SKAP2: variants seen among roughly 807,000 people sequenced by gnomAD.
SKAP2 encodes src kinase associated phosphoprotein 2, also known as src kinase-associated phosphoprotein 2.
A neutral mutation model predicts 54.9 loss-of-function variants in SKAP2; 28 were observed. That is an observed-to-expected ratio of 0.51 (90% CI 0.38 to 0.70). The LOEUF is 0.70. Ranked by LOEUF, SKAP2 falls within the 30% of genes least tolerant of loss-of-function variation. The pLI, the probability that SKAP2 is intolerant of heterozygous loss-of-function variation, is 0.00. For missense variants in SKAP2, 356 were observed against 424.1 expected (o/e 0.84, Z 1.41); for synonymous variants, 137 against 134.3 (o/e 1.02, Z -0.14).
intron 4 of SKAP2, among the ~76,000 whole-genome samples, chr7:26,792,947 G>T (rs1248515200): frequency 6.6e-6 from 1 of 152,176 alleles, no homozygotes; most frequent in Non-Finnish European, 1.5e-5. Context: ...TCAATACATT[G>T]CAGAAATAAT....
At chr7:26,794,646 AG>A (rs1181808410) in intron 4 of SKAP2, among the ~76,000 whole-genome samples, 1 of 152,176 alleles carries the variant, frequency 6.6e-6, no homozygotes, top group Non-Finnish European at 1.5e-5. Flanking sequence ...ACTGGACTGT[AG>A]GAAGGTGGAT....
At chr7:26,799,475 A>G (rs1003389879) in intron 4 of SKAP2, among the ~76,000 whole-genome samples, 9 of 152,254 alleles carry the variant, frequency 5.9e-5, no homozygotes, top group African/African-American at 1.9e-4. Context: ...AGGTCACTAT[A>G]TAATGATAAA....
chr7:26,835,102 T>C (rs558157329), intron 4 of SKAP2, among the ~76,000 whole-genome samples: 38 of 152,270 alleles, frequency 2.5e-4, no homozygotes, highest in Admixed American at 5.9e-4. Flanking sequence ...AACCACATGA[T>C]TATCTCAAAA....
chr7:26,702,255 T>C (rs573728764), intron 9 of SKAP2, among the ~76,000 whole-genome samples: 2 of 152,200 alleles, frequency 1.3e-5, no homozygotes, highest in South Asian at 2.1e-4. Flanking sequence ...CCCAGGCTCA[T>C]GTGATCCTCC....
downstream of SKAP2, among the ~76,000 whole-genome samples, chr7:26,666,133 C>T (rs1032642829): frequency 2.6e-5 from 4 of 152,066 alleles, no homozygotes; most frequent in Non-Finnish European, 5.9e-5. Context: ...CATGAACCTA[C>T]TGAACTCAAG....
chr7:26,763,381 T>A (rs932332647), intron 4 of SKAP2, among the ~76,000 whole-genome samples: 1 of 152,114 alleles, frequency 6.6e-6, no homozygotes. Flanking sequence ...CAAAAAAAAT[T>A]TATGAAACTC....
In SKAP2 at chr7:26,721,045, C is replaced by T. The variant is rs143377807; in HGVS notation, c.796+4383G>A. Among the ~76,000 whole-genome samples, 713 of 152,214 alleles carry T rather than the reference C, an allele frequency of 4.7e-3. 6 individuals are homozygous for T. The highest frequency in any genetic ancestry group is 0.016 in the African/African-American group (673 of 41,516). On this transcript the variant is annotated intron_variant, in intron 9 of 12. Coordinates refer to ENST00000345317, the MANE Select transcript of SKAP2 (RefSeq NM_003930.5). ...TTTAAGAAAAAATAATGTTAGCAGG[C>T]TGCCTAGACTAACAATATTAAAATA...
chr7:26,770,847 C>CTG (rs1249512578), intron 4 of SKAP2, among the ~76,000 whole-genome samples: 1 of 152,158 alleles, frequency 6.6e-6, no homozygotes, highest in African/African-American at 2.4e-5. Context: ...CAGTAATCAC[C>CTG]TGCCTTCTGC....
intron 4 of SKAP2, among the ~76,000 whole-genome samples, chr7:26,831,979 C>CGTTTCCAG (rs1459744325): frequency 6.6e-6 from 1 of 152,110 alleles, no homozygotes; most frequent in Admixed American, 6.6e-5. Context: ...TCCCCTTGTC[C>CGTTTCCAG]CTCATTCCCT....
At chr7:26,758,328 G>A (rs1029284100) in intron 4 of SKAP2, among the ~76,000 whole-genome samples, 4 of 151,946 alleles carry the variant, frequency 2.6e-5, no homozygotes. Flanking sequence ...AATTTAAGTC[G>A]ATTTATATTA....
intron 4 of SKAP2, among the ~76,000 whole-genome samples, chr7:26,834,649 A>T (rs1784667551): frequency 6.6e-6 from 1 of 152,230 alleles, no homozygotes; most frequent in African/African-American, 2.4e-5. Context: ...AACCAGGAAG[A>T]AGTCAAATCT....
At chr7:26,744,075 C>T (rs939356144) in intron 4 of SKAP2, among the ~76,000 whole-genome samples, 3 of 151,816 alleles carry the variant, frequency 2.0e-5, no homozygotes, top group Non-Finnish European at 4.4e-5. Context: ...ACAAAGTATA[C>T]AAATTGATAA....
intron 11 of SKAP2, among the ~76,000 whole-genome samples, chr7:26,681,853 C>T (rs946157360): frequency 2.0e-5 from 3 of 152,050 alleles, no homozygotes; most frequent in African/African-American, 7.3e-5. Context: ...GAATGATGAA[C>T]AAAGTTTTTC....
chr7:26,725,466 C>G lies in SKAP2; in HGVS notation c.758G>C (p.Ser253Thr), dbSNP rs17154402. 3.0e-3 allele frequency: 4,879 copies of G among 1,611,884 alleles called. 118 individuals carry two copies. The African/African-American group carries it at 0.056, about 18-fold the overall frequency. Residue 253 changes from serine to threonine, a missense_variant, in exon 9 of 13, where the codon AGT becomes ACT. Transcript: ENST00000345317. ...ATAAATTTCATCATCTATTGGTTGA[C>G]TGCTTGTTAGTGGATTGCTTATTGG... is the stretch of plus-strand genomic sequence containing the variant. ...PLPISNPLTS[S>T]QPIDDEIYEE...
intron 4 of SKAP2, among the ~76,000 whole-genome samples, chr7:26,788,355 G>T (rs533500077): frequency 6.6e-6 from 1 of 151,056 alleles, no homozygotes; most frequent in Non-Finnish European, 1.5e-5. Flanking sequence ...CTTCATCTTC[G>T]CAGTGGTTAA....
At chr7:26,738,589 C>T (rs1225487598) in intron 6 of SKAP2, among the ~76,000 whole-genome samples, 1 of 152,084 alleles carries the variant, frequency 6.6e-6, no homozygotes, top group Non-Finnish European at 1.5e-5. Flanking sequence ...TTCAATACAA[C>T]ACAATTGTTT....
rs375826440 is a variant in SKAP2 at position 26,854,153 on chromosome 7, C to A, written c.183G>T (p.Gln61His). The A allele has an allele frequency of 6.3e-7, 1 of 1,582,126 alleles. No individual in the cohort carries two copies. ...KIKDVKSIYL[Q>H]EFQDKGDAED... ...AAAACTTACCTTTGTCTTGAAATTCCTGAAGATAGCTACAAAACAAAGAAC... is the reference window on the plus strand; with the variant it reads ...AAAACTTACCTTTGTCTTGAAATTCATGAAGATAGCTACAAAACAAAGAAC... The change falls in exon 3 of 13, where the codon CAG (glutamine) becomes CAT (histidine). Residue 61 changes from glutamine to histidine, a missense_variant. Transcript: ENST00000345317.
intron 4 of SKAP2, among the ~76,000 whole-genome samples, chr7:26,784,328 TC>T (rs1448037727): frequency 1.3e-5 from 2 of 152,154 alleles, no homozygotes; most frequent in Non-Finnish European, 2.9e-5. Context: ...AATTTGAAGA[TC>T]CCCAATCATT....
chr7:26,682,276 G>A (rs1157674829), intron 11 of SKAP2, among the ~76,000 whole-genome samples: 1 of 152,170 alleles, frequency 6.6e-6, no homozygotes, highest in Non-Finnish European at 1.5e-5. Context: ...AGTCTCAAGA[G>A]ATTCCTAGCT....
Sources: allele counts gnomAD v4.1 joint callset (sites outside exome capture counted in the v4.1 genomes callset), GRCh38; gene constraint gnomAD v4.1.1; transcripts MANE v1.5; gene names NCBI Gene and HGNC (gene_info 2026-07-23, HGNC 2026-07-21).